Variants in DOK6 observed in about 807,000 individuals in gnomAD.
The protein encoded by DOK6 is downstream of tyrosine kinase 6.
A neutral mutation model predicts 44.0 loss-of-function variants in DOK6; 22 were observed. The observed-to-expected ratio is 0.50, with a 90% CI of 0.36 to 0.71. The LOEUF is 0.71. Ranked by LOEUF, DOK6 falls within the 30% of genes least tolerant of loss-of-function variation. The probability of loss-of-function intolerance (pLI) is 0.00; values close to 1 mark genes in which losing one functional copy is unlikely to be tolerated. For synonymous variants in DOK6, 166 were observed against 145.5 expected (o/e 1.14, Z -1.01); for missense variants, 340 against 416.4 (o/e 0.82, Z 1.60).
chr18:69,631,170 C>G lies in DOK6; in HGVS notation c.289+31672C>G, dbSNP rs188337969. 3.3e-5 allele frequency among the ~76,000 whole-genome samples: 5 copies of G among 152,066 alleles called. No homozygotes were observed. The East Asian group carries it at 9.7e-4, about 29-fold the overall frequency. ...ATATTTTACAGTATTCCTCCCGGAT[C>G]AAACATCAAGGAAATATATACAAAA... On this transcript the variant is annotated intron_variant, in intron 3 of 7. Transcript: ENST00000382713.
At chr18:69,491,910 G>T (rs12964641) in intron 1 of DOK6, among the ~76,000 whole-genome samples, 6 of 152,002 alleles carry the variant, frequency 3.9e-5, no homozygotes, top group African/African-American at 1.5e-4. Context: ...AGACATTACC[G>T]CTGAGTAAAT....
At chr18:69,588,428 G>A (rs1170985933) in intron 2 of DOK6, among the ~76,000 whole-genome samples, 1 of 152,132 alleles carries the variant, frequency 6.6e-6, no homozygotes, top group Non-Finnish European at 1.5e-5. Context: ...CTTCAATCTA[G>A]TAGAGTGGCA....
intron 7 of DOK6, among the ~76,000 whole-genome samples, chr18:69,825,355 T>G (rs1424116746): frequency 1.3e-5 from 2 of 151,880 alleles, no homozygotes; most frequent in African/African-American, 4.8e-5. Flanking sequence ...TTTAGGAACA[T>G]TAGCCAACCC....
chr18:69,547,508 C>G (rs1982439586), intron 1 of DOK6, among the ~76,000 whole-genome samples: 1 of 151,412 alleles, frequency 6.6e-6, no homozygotes, highest in African/African-American at 2.4e-5. Context: ...CCCCATGATC[C>G]AATCACCTCC....
At chr18:69,735,845 A>C (rs1978588086) in intron 5 of DOK6, among the ~76,000 whole-genome samples, 1 of 152,234 alleles carries the variant, frequency 6.6e-6, no homozygotes, top group African/African-American at 2.4e-5. Flanking sequence ...CCATAGGCCT[A>C]TCCTAAAAAT....
At chr18:69,773,488 T>C (rs759004621) in intron 7 of DOK6, among the ~76,000 whole-genome samples, 10 of 152,038 alleles carry the variant, frequency 6.6e-5, no homozygotes, top group Non-Finnish European at 1.0e-4. Flanking sequence ...AAACATACAA[T>C]TGAATATTAT....
At chr18:69,464,194 C>T (rs1403203890) in intron 1 of DOK6, among the ~76,000 whole-genome samples, 1 of 152,190 alleles carries the variant, frequency 6.6e-6, no homozygotes, top group Non-Finnish European at 1.5e-5. Flanking sequence ...GATAGACTCA[C>T]TTCTAAGAAG....
chr18:69,839,493 T>G (rs1982150724), intron 7 of DOK6, among the ~76,000 whole-genome samples: 1 of 151,906 alleles, frequency 6.6e-6, no homozygotes, highest in Non-Finnish European at 1.5e-5. Context: ...CCTTTAACTC[T>G]CTTAACTCCT....
chr18:69,600,271 G>A (rs551206711), intron 3 of DOK6, among the ~76,000 whole-genome samples: 1 of 152,218 alleles, frequency 6.6e-6, no homozygotes, highest in Admixed American at 6.5e-5. Flanking sequence ...TTTGTTTATG[G>A]ATGTCATTAA....
chr18:69,792,078 T>G (rs1191729597), intron 7 of DOK6, among the ~76,000 whole-genome samples: 1 of 152,168 alleles, frequency 6.6e-6, no homozygotes, highest in Non-Finnish European at 1.5e-5. Context: ...ATGAATTTAT[T>G]TATGGGTCCC....
At chr18:69,690,591 A>C (rs1986243081) in intron 4 of DOK6, among the ~76,000 whole-genome samples, 1 of 152,202 alleles carries the variant, frequency 6.6e-6, no homozygotes, top group Non-Finnish European at 1.5e-5. Flanking sequence ...GAAATGTCTC[A>C]TCTTCTGTGT....
At chr18:69,770,023 A>T (rs1367573603) in intron 7 of DOK6, among the ~76,000 whole-genome samples, 2 of 152,170 alleles carry the variant, frequency 1.3e-5, no homozygotes, top group Admixed American at 1.3e-4. Context: ...TATGAACAAG[A>T]TATTATGCTA....
At position 69,843,691 on chromosome 18, in the gene DOK6, AATAT is replaced by A. The variant is rs1435898217; in HGVS notation, c.*2310_*2313del. 1 of 152,240 alleles carries A rather than the reference AATAT, an allele frequency of 6.6e-6. No homozygotes were observed. Among genetic ancestry groups the A allele is most frequent in the South Asian group, 2.1e-4 (1 of 4,828 alleles). 9.4% of individuals were successfully genotyped at this position (152,240 alleles called of 1,614,324 possible). On this transcript the variant is annotated 3_prime_UTR_variant, in exon 8 of 8. Coordinates refer to ENST00000382713, the MANE Select transcript of DOK6 (RefSeq NM_152721.6). ...CATTTGGTTCTGATCATTACCAATGAATATAACTGAAGGAGCACCAAAGATCAGG... is the reference window on the plus strand; with the variant it reads ...CATTTGGTTCTGATCATTACCAATGAAACTGAAGGAGCACCAAAGATCAGG...
At chr18:69,428,335 C>T (rs777692596) in intron 1 of DOK6, among the ~76,000 whole-genome samples, 1 of 151,978 alleles carries the variant, frequency 6.6e-6, no homozygotes, top group East Asian at 1.9e-4. Flanking sequence ...AAAATCCTAT[C>T]GTTTATGTCT....
intron 1 of DOK6, among the ~76,000 whole-genome samples, chr18:69,522,749 A>G (rs1981721829): frequency 6.6e-6 from 1 of 152,102 alleles, no homozygotes; most frequent in Non-Finnish European, 1.5e-5. Context: ...TATTCTGTCC[A>G]ACTTTTGTGA....
In DOK6 at chr18:69,843,772, G is replaced by C. The variant is rs567998772; in HGVS notation, c.*2389G>C. On this transcript the variant is annotated 3_prime_UTR_variant, in exon 8 of 8. Coordinates refer to ENST00000382713, the MANE Select transcript of DOK6 (RefSeq NM_152721.6). ...AAATGATGTCGTAAAAAGAGTATGTGTGAGAGAAATCTCCTTCCCAAGTTT... is the reference window on the plus strand; with the variant it reads ...AAATGATGTCGTAAAAAGAGTATGTCTGAGAGAAATCTCCTTCCCAAGTTT... The C allele has an allele frequency of 6.6e-5, 10 of 152,336 alleles. No individual in the cohort carries two copies. The highest frequency in any genetic ancestry group is 5.9e-4 in the Admixed American group (9 of 15,306). The allele number at this position is 152,336 out of a possible 1,614,324, so 9.4% of individuals were successfully genotyped here. A position where few individuals can be genotyped will look rare whatever the true frequency, so the allele number is the denominator to read the frequency against.
Position 69,471,053 on chromosome 18 carries a change from C to T in DOK6, c.66+69743C>T, listed in dbSNP as rs536585096. ...TCACCTGAGGTCGGGAGTTTGAGAC[C>T]AGCCTGACCAATATAGAGAAACCCT... is the stretch of plus-strand genomic sequence containing the variant. On this transcript the variant is annotated intron_variant, in intron 1 of 7. Coordinates refer to ENST00000382713, the MANE Select transcript of DOK6 (RefSeq NM_152721.6). Among the ~76,000 whole-genome samples the T allele has an allele frequency of 1.3e-3, 194 of 151,574 alleles. 1 individual carries two copies. The highest frequency in any genetic ancestry group is 2.4e-3 in the Admixed American group (37 of 15,242).
intron 5 of DOK6, among the ~76,000 whole-genome samples, chr18:69,706,599 T>G (rs1986639786): frequency 6.6e-6 from 1 of 151,740 alleles, no homozygotes; most frequent in Non-Finnish European, 1.5e-5. Flanking sequence ...TATGTATACA[T>G]GTGCCATGCT....
chr18:69,435,455 A>G (rs1568256733), intron 1 of DOK6, among the ~76,000 whole-genome samples: 2 of 152,192 alleles, frequency 1.3e-5, no homozygotes, highest in Non-Finnish European at 2.9e-5. Flanking sequence ...AATCTTGTAG[A>G]GTCATAATAA....
Sources: gnomAD v4.1 joint callset for allele counts (sites outside exome capture counted in the v4.1 genomes callset) on GRCh38, gnomAD v4.1.1 for gene constraint, MANE v1.5 for transcripts, NCBI Gene and HGNC (gene_info 2026-07-23, HGNC 2026-07-21) for gene names.